The following SPDEF variants were observed in gnomAD, a reference collection of about 807,000 sequenced individuals.
The protein encoded by SPDEF is SAM pointed domain-containing Ets transcription factor.
Under a neutral mutation model 36.0 loss-of-function variants are expected in SPDEF, and 12 were observed. That is an observed-to-expected ratio of 0.33 (90% CI 0.21 to 0.54). SPDEF has a LOEUF of 0.54. SPDEF is among the 20% of genes least tolerant of loss of function. SPDEF has a pLI of 0.93. For synonymous variants in SPDEF, 205 were observed against 193.0 expected (o/e 1.06, Z -0.51); for missense variants, 388 against 456.9 (o/e 0.85, Z 1.37).
In SPDEF at chr6:34,539,413, G is replaced by T. The variant is rs1407745686; in HGVS notation, c.683-17C>A. 2.5e-6 allele frequency: 4 copies of T among 1,612,988 alleles called. No individual in the cohort carries two copies. The Admixed American group carries it at 5.0e-5, about 20-fold the overall frequency. Reference sequence around the variant, plus strand: ...TGGTCGAGGCTGGGTGGCCAGGGAGGGTGGCGGTGAGTGGGAATGGGAGGC... The same window carrying T: ...TGGTCGAGGCTGGGTGGCCAGGGAGTGTGGCGGTGAGTGGGAATGGGAGGC... On this transcript the variant is annotated splice_polypyrimidine_tract_variant and intron_variant, in intron 4 of 5. Transcript: ENST00000374037. The surrounding 1 kb of genome is among the most constrained non-coding windows in gnomAD (Gnocchi z 5.2).
At position 34,555,036 on chromosome 6, in the gene SPDEF, C is replaced by T. The variant is rs955143529; in HGVS notation, c.-30+893G>A. Among the ~76,000 whole-genome samples the T allele has an allele frequency of 6.6e-6, 1 of 152,040 alleles. No homozygotes were observed. Among genetic ancestry groups the T allele is most frequent in the Admixed American group, 6.6e-5 (1 of 15,260 alleles). The stretch of plus-strand genomic sequence containing the variant: ...GTGAGGTGAGGGATCTTGGCCTGCC[C>T]CTCCCCAACATGCACACACACGCAC... On this transcript the variant is annotated intron_variant, in intron 1 of 5. Transcript: ENST00000374037. The surrounding 1 kb of genome is among the most constrained non-coding windows in gnomAD (Gnocchi z 5.2).
intron 2 of SPDEF, among the ~76,000 whole-genome samples, chr6:34,541,500 C>T (rs1382425739): frequency 6.6e-6 from 1 of 152,250 alleles, no homozygotes; most frequent in African/African-American, 2.4e-5. Context: ...GAGGGAGCCT[C>T]AGCCCTAGAG....
At chr6:34,554,980 G>A (rs575817267) in intron 1 of SPDEF, among the ~76,000 whole-genome samples, 78 of 152,296 alleles carry the variant, frequency 5.1e-4, no homozygotes, top group Middle Eastern at 6.8e-3. Flanking sequence ...CATGGCCTGG[G>A]TGTGGGCTGC....
chr6:34,542,654 C>T (rs1489129172), intron 2 of SPDEF, among the ~76,000 whole-genome samples: 1 of 152,138 alleles, frequency 6.6e-6, no homozygotes, highest in African/African-American at 2.4e-5. Flanking sequence ...TTTGGGAGGC[C>T]AAGGCAGACG....
rs1021888563 is a variant in SPDEF at position 34,552,475 on chromosome 6, G to C, written c.-30+3454C>G. On this transcript the variant is annotated intron_variant, in intron 1 of 5. Coordinates refer to ENST00000374037, the MANE Select transcript of SPDEF (RefSeq NM_012391.3). This position sits in a 1 kb window ranked among gnomAD's most constrained non-coding sequence, Gnocchi z 4.6. ...CCAGGCAGGACAGCGATGTGAGAAG[G>C]CTTCACTGTCTCCCGAGAGGTGTGT... Among the ~76,000 whole-genome samples, 3 of 152,210 alleles carry C rather than the reference G, an allele frequency of 2.0e-5. No individual in the cohort carries two copies. Among genetic ancestry groups the C allele is most frequent in the Non-Finnish European group, 4.4e-5 (3 of 68,038 alleles).
At chr6:34,540,536 G>A (rs1767795412) in intron 3 of SPDEF, among the ~76,000 whole-genome samples, 1 of 151,986 alleles carries the variant, frequency 6.6e-6, no homozygotes, top group African/African-American at 2.4e-5. Flanking sequence ...TTGGAAGCTG[G>A]GGGTCGGGAG....
At chr6:34,542,629 C>T (rs1056327153) in intron 2 of SPDEF, among the ~76,000 whole-genome samples, 32 of 152,236 alleles carry the variant, frequency 2.1e-4, no homozygotes, top group African/African-American at 7.5e-4. Context: ...TAGCTCATGC[C>T]TGTAATCCCA....
rs1231893095 is a variant in SPDEF, at chr6:34,555,445, T to G, written c.-30+484A>C. On this transcript the variant is annotated intron_variant, in intron 1 of 5. Coordinates refer to ENST00000374037, the MANE Select transcript of SPDEF (RefSeq NM_012391.3). This position sits in a 1 kb window ranked among gnomAD's most constrained non-coding sequence, Gnocchi z 5.2. ...TGGACCTGTCTCCCCTGTCCCGAAC[T>G]GGACCCGGCCTTAGACTTAGCCCTG... Among the ~76,000 whole-genome samples the G allele has an allele frequency of 5.3e-5, 8 of 152,238 alleles. No individual in the cohort carries two copies. Among genetic ancestry groups the G allele is most frequent in the African/African-American group, 1.9e-4 (8 of 41,530 alleles).
chr6:34,540,156 G>T (rs1451175620), intron 3 of SPDEF, among the ~76,000 whole-genome samples: 1 of 152,086 alleles, frequency 6.6e-6, no homozygotes, highest in African/African-American at 2.4e-5. Context: ...ACAAAAATTA[G>T]CAGGGTGTGG....
intron 1 of SPDEF, among the ~76,000 whole-genome samples, chr6:34,553,533 T>C (rs1768106790): frequency 6.6e-6 from 1 of 152,110 alleles, no homozygotes; most frequent in African/African-American, 2.4e-5. Flanking sequence ...CTCATTTTTC[T>C]TGTCTGTTAA....
rs570488258 is a variant in SPDEF, at chr6:34,539,609, G to C, written c.635-47C>G. The C allele has an allele frequency of 1.4e-5, 21 of 1,547,690 alleles. No homozygotes were observed. The highest frequency in any genetic ancestry group is 1.8e-5 in the Non-Finnish European group (21 of 1,145,538). ...TTGGGGACCCAGGAGAGGCCCCGAG[G>C]GTGGAGGAGGGGAGGCGTTTGGGTG... is the stretch of plus-strand genomic sequence containing the variant. On this transcript the variant is annotated intron_variant, in intron 3 of 5. Coordinates refer to ENST00000374037, the MANE Select transcript of SPDEF (RefSeq NM_012391.3). This position sits in a 1 kb window ranked among gnomAD's most constrained non-coding sequence, Gnocchi z 5.2.
rs372475042 is a variant in SPDEF, at chr6:34,544,175, G to A, written c.281C>T (p.Pro94Leu). Residue 94 changes from proline (P) to leucine (L), a missense_variant, in exon 2 of 6, where the codon CCG (proline) becomes CTG (leucine). Physicochemically the swap from Pro to Leu is moderately conservative, Grantham distance 98. This residue lies in a region of SPDEF where 308 missense variants were observed against 326.1 expected (regional missense o/e 0.94). Coordinates refer to ENST00000374037, the MANE Select transcript of SPDEF (RefSeq NM_012391.3). The surrounding 1 kb of genome is among the most constrained non-coding windows in gnomAD (Gnocchi z 4.4). The part of the protein sequence containing the change: ...EEPPEEPEQC[P>L]VIDSQAPAGS... Reference sequence around the variant, plus strand: ...CGCTGGGGCTTGGCTGTCAATGACCGGGCACTGCTCAGGCTCCTCAGGTGG... The same window carrying A: ...CGCTGGGGCTTGGCTGTCAATGACCAGGCACTGCTCAGGCTCCTCAGGTGG... 257 of 1,613,818 alleles carry A rather than the reference G, an allele frequency of 1.6e-4. No homozygotes were observed. The highest frequency in any genetic ancestry group is 4.9e-4 in the Middle Eastern group (3 of 6,062).
In SPDEF at chr6:34,543,422, G is replaced by C. The variant is rs564898017; in HGVS notation, c.436+598C>G. On this transcript the variant is annotated intron_variant, in intron 2 of 5. Coordinates refer to ENST00000374037, the MANE Select transcript of SPDEF (RefSeq NM_012391.3). ...ACAGATATGGTGCGGCACGTCCGAG[G>C]AGTGTAAGTGCTATGAGAGGAAGCA... Among the ~76,000 whole-genome samples the C allele has an allele frequency of 2.0e-5, 3 of 152,278 alleles. No homozygotes were observed. In the South Asian group the frequency reaches 6.2e-4, roughly 32 times the overall value.
rs200101276 is a variant in SPDEF at position 34,538,478 on chromosome 6, C to A, written c.830-26G>T. 598 of 1,590,920 alleles carry A rather than the reference C, an allele frequency of 3.8e-4. No individual in the cohort carries two copies. The highest frequency in any genetic ancestry group is 1.0e-3 in the Admixed American group (60 of 58,554). The stretch of plus-strand genomic sequence containing the variant: ...CTAGAGCAGGAGGGCCCCGAGAGAG[C>A]CAGTGGTATGAGTGAGGTGGCAAGA... On this transcript the variant is annotated intron_variant, in intron 5 of 5. Transcript: ENST00000374037. The surrounding 1 kb of genome is among the most constrained non-coding windows in gnomAD (Gnocchi z 5.9).
intron 1 of SPDEF, among the ~76,000 whole-genome samples, chr6:34,549,540 AC>A (rs1466359466): frequency 6.6e-6 from 1 of 152,096 alleles, no homozygotes; most frequent in Non-Finnish European, 1.5e-5. Flanking sequence ...GCCCTCCCTG[AC>A]AGCTCCCGAA....
rs1350518348 is a variant in SPDEF, at chr6:34,544,901, C to T, written c.-29-417G>A. Among the ~76,000 whole-genome samples the T allele has an allele frequency of 3.3e-5, 5 of 152,192 alleles. No homozygotes were observed. The stretch of plus-strand genomic sequence containing the variant: ...AGTGTCCAAATCTTTCCTGATATAG[C>T]AAAGCTTGTTTTTCTTCTGCCTTTG... On this transcript the variant is annotated intron_variant, in intron 1 of 5. Coordinates refer to ENST00000374037, the MANE Select transcript of SPDEF (RefSeq NM_012391.3). This position sits in a 1 kb window ranked among gnomAD's most constrained non-coding sequence, Gnocchi z 4.4.
In SPDEF at chr6:34,544,357, C is replaced by T. The variant is rs375799548; in HGVS notation, c.99G>A (p.Ala33=). 4.4e-5 allele frequency: 71 copies of T among 1,603,312 alleles called. No individual in the cohort carries two copies. Among genetic ancestry groups the T allele is most frequent in the Non-Finnish European group, 5.3e-5 (62 of 1,176,826 alleles). ...CCCGTCTCTCGAGACCCACTGCCCC[C>T]GCTGCCGCCTTCTCCAAGCCTGTCC... ...VSRTGLEKAA[A]GAVGLERRDW... Residue 33 remains alanine (A), a synonymous_variant, in exon 2 of 6, where the codon GCG becomes GCA. Coordinates refer to ENST00000374037, the MANE Select transcript of SPDEF (RefSeq NM_012391.3). The surrounding 1 kb of genome is among the most constrained non-coding windows in gnomAD (Gnocchi z 4.4).
At chr6:34,550,181 C>T (rs1768030302) in intron 1 of SPDEF, among the ~76,000 whole-genome samples, 8 of 152,182 alleles carry the variant, frequency 5.3e-5, no homozygotes, top group Admixed American at 5.2e-4. Context: ...CCTTGGGGCC[C>T]CAGCCTCTCT....
rs1166783493 is a variant in SPDEF at position 34,538,712 on chromosome 6, G to A, written c.830-260C>T. Among the ~76,000 whole-genome samples, 1 of 152,206 alleles carries A rather than the reference G, an allele frequency of 6.6e-6. No homozygotes were observed. The highest frequency in any genetic ancestry group is 2.4e-5 in the African/African-American group (1 of 41,446). On this transcript the variant is annotated intron_variant, in intron 5 of 5. Transcript: ENST00000374037. This position sits in a 1 kb window ranked among gnomAD's most constrained non-coding sequence, Gnocchi z 5.9. ...AATACTCTGGAGTCACAAACCTCCC[G>A]GTACAGGTGAGCCTGTGTACCTTAG...
Sources: allele counts gnomAD v4.1 joint callset (sites outside exome capture counted in the v4.1 genomes callset), GRCh38; gene constraint gnomAD v4.1.1; regional missense constraint gnomAD v4.1.1; non-coding constraint Gnocchi (gnomAD v3.1); transcripts MANE v1.5; gene names NCBI Gene and HGNC (gene_info 2026-07-23, HGNC 2026-07-21).